The following AFF3 variants were observed in gnomAD, a reference collection of about 807,000 sequenced individuals.
The protein encoded by AFF3 is ALF transcription elongation factor 3.
AFF3 carries 32 observed loss-of-function variants against 129.7 expected under a neutral mutation model. The ratio of observed to expected loss-of-function variants is 0.25; its 90% confidence interval spans 0.19 to 0.33. The LOEUF (loss-of-function observed/expected upper bound fraction) is 0.33, where lower values mean the gene tolerates loss of function less well. Ranked by LOEUF, AFF3 falls within the 10% of genes least tolerant of loss-of-function variation. The pLI, the probability that AFF3 is intolerant of heterozygous loss-of-function variation, is 1.00. For synonymous variants in AFF3, 644 were observed against 635.4 expected (o/e 1.01, Z -0.20); for missense variants, 1,373 against 1,592.0 (o/e 0.86, Z 2.34).
intron 7 of AFF3, among the ~76,000 whole-genome samples, chr2:99,844,423 T>C (rs944269772): frequency 1.5e-5 from 2 of 129,354 alleles, no homozygotes; most frequent in Admixed American, 8.4e-5. Flanking sequence ...ACGAGAACTA[T>C]TTTTTCTTTT....
intron 7 of AFF3, among the ~76,000 whole-genome samples, chr2:99,928,844 G>C (rs1696470839): frequency 6.6e-6 from 1 of 152,080 alleles, no homozygotes; most frequent in Admixed American, 6.5e-5. Context: ...TGTCAAATTA[G>C]TCCAGGGTGA....
At chr2:99,578,249 A>G in intron 18 of AFF3, 78 bp downstream of exon 18, 1 of 1,476,932 alleles carries the variant, frequency 6.8e-7, no homozygotes, top group Non-Finnish European at 8.9e-7. Flanking sequence ...GGCCACACCA[A>G]GGTGCCCATG....
intron 11 of AFF3, among the ~76,000 whole-genome samples, chr2:99,690,297 C>T (rs1675504824): frequency 6.6e-6 from 1 of 150,516 alleles, no homozygotes; most frequent in Admixed American, 6.6e-5. Context: ...TTTCCTGCCT[C>T]AGCCTCCCGA....
intron 12 of AFF3, among the ~76,000 whole-genome samples, chr2:99,664,107 CAT>C (rs781362869): frequency 2.4e-4 from 36 of 152,134 alleles, no homozygotes; most frequent in Non-Finnish European, 5.1e-4. Context: ...TTCACAAAAA[CAT>C]TGGTCTTTGG....
At chr2:100,077,100 G>A (rs1206816580) in intron 4 of AFF3, among the ~76,000 whole-genome samples, 3 of 151,868 alleles carry the variant, frequency 2.0e-5, no homozygotes, top group African/African-American at 2.4e-5. Context: ...AATTCAAAAC[G>A]TAGCCGGGCA....
chr2:99,961,698 G>C (rs1001211579), intron 7 of AFF3, among the ~76,000 whole-genome samples: 1 of 152,210 alleles, frequency 6.6e-6, no homozygotes, highest in Non-Finnish European at 1.5e-5. Flanking sequence ...AAGGTTCCAT[G>C]TGAAAGGTGA....
chr2:99,554,287 G>C, intron 24 of AFF3, 24 bp downstream of exon 24: 1 of 1,613,040 alleles, frequency 6.2e-7, no homozygotes, highest in East Asian at 2.2e-5. Context: ...GAAGCCCCTG[G>C]TTCCCCGTGG....
intron 10 of AFF3, among the ~76,000 whole-genome samples, chr2:99,729,118 AG>A (rs1438663849): frequency 1.3e-5 from 2 of 152,170 alleles, no homozygotes; most frequent in Non-Finnish European, 2.9e-5. Flanking sequence ...CCCAGTCTCT[AG>A]CCTGCAGTAG....
intron 7 of AFF3, among the ~76,000 whole-genome samples, chr2:99,881,012 C>G (rs576827750): frequency 4.9e-4 from 75 of 152,166 alleles, no homozygotes; most frequent in Non-Finnish European, 8.8e-4. Flanking sequence ...TTCCAACAGG[C>G]TTTCTATTTC....
At chr2:99,653,464 T>C (rs1202520351) in intron 12 of AFF3, among the ~76,000 whole-genome samples, 1 of 152,276 alleles carries the variant, frequency 6.6e-6, no homozygotes, top group Non-Finnish European at 1.5e-5. Flanking sequence ...TGCTGACTTC[T>C]GTGATACGGA....
In AFF3 at chr2:99,762,723, A is replaced by G. The variant is rs150272396; in HGVS notation, c.922-10422T>C. On this transcript the variant is annotated intron_variant, in intron 8 of 24. Coordinates refer to ENST00000672756, the MANE Select transcript of AFF3 (RefSeq NM_001386135.1). Reference sequence around the variant, plus strand: ...GCCAGGATTGAAGGATCTGCCTGGCAGATGACCGCAGTTAACTCCAGAATT... The same window carrying G: ...GCCAGGATTGAAGGATCTGCCTGGCGGATGACCGCAGTTAACTCCAGAATT... Among the ~76,000 whole-genome samples the G allele has an allele frequency of 6.5e-3, 997 of 152,356 alleles. 8 individuals carry two copies. Among genetic ancestry groups the G allele is most frequent in the Non-Finnish European group, 8.3e-3 (566 of 68,034 alleles).
chr2:99,590,885 C>T (rs939460612), intron 15 of AFF3, among the ~76,000 whole-genome samples: 11 of 151,422 alleles, frequency 7.3e-5, no homozygotes, highest in African/African-American at 2.7e-4. Context: ...CCAAGCTACT[C>T]GGGAGGCTGA....
At chr2:99,816,941 C>A (rs1460406430) in intron 8 of AFF3, among the ~76,000 whole-genome samples, 1 of 152,098 alleles carries the variant, frequency 6.6e-6, no homozygotes, top group East Asian at 1.9e-4. Context: ...TAGATTAGGG[C>A]ATTTGTTTCT....
At position 99,660,729 on chromosome 2, in the gene AFF3, C is replaced by T. The variant is rs182883895; in HGVS notation, c.1144-11063G>A. On this transcript the variant is annotated intron_variant, in intron 12 of 24. Coordinates refer to ENST00000672756, the MANE Select transcript of AFF3 (RefSeq NM_001386135.1). ...AATCCTTGCGTGCAGGGTTTTCTAG[C>T]GTGCAGATGACCATATCTGGGGGCC... is the stretch of plus-strand genomic sequence containing the variant. 3.9e-4 allele frequency among the ~76,000 whole-genome samples: 60 copies of T among 152,328 alleles called. 2 individuals carry two copies. In the East Asian group the frequency reaches 7.3e-3, roughly 19 times the overall value.
At chr2:100,063,824 T>C (rs1307264604) in intron 4 of AFF3, among the ~76,000 whole-genome samples, 4 of 152,090 alleles carry the variant, frequency 2.6e-5, no homozygotes, top group Non-Finnish European at 5.9e-5. Context: ...GCGCGGTGGC[T>C]CACACCTTAA....
At chr2:99,672,492 T>TA (rs753982716) in intron 12 of AFF3, 46 bp downstream of exon 12, 23 of 1,583,170 alleles carry the variant, frequency 1.5e-5, no homozygotes, top group Non-Finnish European at 2.0e-5. Flanking sequence ...AGGTAACTGT[T>TA]ACCAGTGTCA....
At chr2:99,903,041 T>C (rs939288569) in intron 7 of AFF3, among the ~76,000 whole-genome samples, 34 of 152,202 alleles carry the variant, frequency 2.2e-4, no homozygotes, top group Non-Finnish European at 5.9e-5. Context: ...AAGAAGAATC[T>C]CAATTTTCTG....
chr2:100,119,055 G>GC (rs1029545816), intron 2 of AFF3, among the ~76,000 whole-genome samples: 1 of 152,060 alleles, frequency 6.6e-6, no homozygotes, highest in Non-Finnish European at 1.5e-5. Context: ...GCACACCTCG[G>GC]CCCCCCGAAG....
intron 7 of AFF3, among the ~76,000 whole-genome samples, chr2:99,849,810 G>T (rs957370985): frequency 1.3e-5 from 2 of 152,160 alleles, no homozygotes; most frequent in Non-Finnish European, 2.9e-5. Flanking sequence ...ATTTCCCAGT[G>T]GGTAGAAGGA....
Sources: gnomAD v4.1 joint callset for allele counts (sites outside exome capture counted in the v4.1 genomes callset) on GRCh38, gnomAD v4.1.1 for gene constraint, MANE v1.5 for transcripts, NCBI Gene and HGNC (gene_info 2026-07-23, HGNC 2026-07-21) for gene names.